The following ATF6 variants were observed in gnomAD, a reference collection of about 807,000 sequenced individuals.
ATF6 encodes the protein cyclic AMP-dependent transcription factor ATF-6 alpha.
Under a neutral mutation model 83.6 loss-of-function variants are expected in ATF6, and 53 were observed. The ratio of observed to expected loss-of-function variants is 0.63; its 90% CI spans 0.51 to 0.80. The LOEUF (loss-of-function observed/expected upper bound fraction) is 0.80. Among genes scored for constraint, ATF6 ranks in the 30% least tolerant of loss-of-function variants. The pLI is 0.00. For missense variants in ATF6, 744 were observed against 797.9 expected, an observed-to-expected ratio of 0.93 and a Z score of 0.81; for synonymous variants, 288 against 285.8, an observed-to-expected ratio of 1.01 and a Z score of -0.08.
At chr1:161,954,063 T>C (rs887810239) in intron 15 of ATF6, among the ~76,000 whole-genome samples, 2 of 152,130 alleles carry the variant, frequency 1.3e-5, no homozygotes, top group Non-Finnish European at 2.9e-5. Context: ...AGGGGGTTTG[T>C]TTGTTTGCCA....
chr1:161,902,728 T>C lies in ATF6; in HGVS notation c.1720-9568T>C, dbSNP rs1024499517. ...GTAGTAGATCCTGGGGATTCACCAA[T>C]GAACAAAACAGATGAAAATGTCTGC... On this transcript the variant is annotated intron_variant, in intron 14 of 15. Transcript: ENST00000367942. Among the ~76,000 whole-genome samples, 8 of 152,332 alleles carry C rather than the reference T, an allele frequency of 5.3e-5. No individual in the cohort carries two copies. In the East Asian group the frequency reaches 1.5e-3, roughly 29 times the overall value.
intron 14 of ATF6, among the ~76,000 whole-genome samples, chr1:161,902,454 A>T (rs932772043): frequency 1.3e-5 from 2 of 152,232 alleles, no homozygotes; most frequent in Non-Finnish European, 2.9e-5. Flanking sequence ...TGAAGAATAC[A>T]GTGACTGCTA....
chr1:161,862,525 A>G (rs997504568), intron 13 of ATF6, among the ~76,000 whole-genome samples: 2 of 152,220 alleles, frequency 1.3e-5, no homozygotes, highest in African/African-American at 4.8e-5. Context: ...AGTAAGGCAC[A>G]TACATGGTAC....
chr1:161,960,944 G>A lies in ATF6; in HGVS notation c.*2290G>A, dbSNP rs946135120. 2 of 152,172 alleles carry A rather than the reference G, an allele frequency of 1.3e-5. No homozygotes were observed. The highest frequency in any genetic ancestry group is 4.8e-5 in the African/African-American group (2 of 41,438). 9.4% of individuals were successfully genotyped at this position (152,172 alleles called of 1,614,324 possible). A position where few individuals can be genotyped will look rare whatever the true frequency, so the allele number is the denominator to read the frequency against. On this transcript the variant is annotated 3_prime_UTR_variant, in exon 16 of 16. Coordinates refer to ENST00000367942, the MANE Select transcript of ATF6 (RefSeq NM_007348.4). ...AAGATGCTAATCTTCTGCTGGAACT[G>A]TCATACGTTATCATGGTCAATGTAA...
At position 161,962,601 on chromosome 1, in the gene ATF6, T is replaced by C. The variant is rs544219890; in HGVS notation, c.*3947T>C. ...AAAGTGACTTTCACTTTCAACAACATATTAGAAGTAACCACTTTTGCTTTC... is the reference window on the plus strand; with the variant it reads ...AAAGTGACTTTCACTTTCAACAACACATTAGAAGTAACCACTTTTGCTTTC... On this transcript the variant is annotated 3_prime_UTR_variant, in exon 16 of 16. Transcript: ENST00000367942. The C allele has an allele frequency of 6.6e-6, 1 of 152,360 alleles. No homozygotes were observed. Among genetic ancestry groups the C allele is most frequent in the Admixed American group, 6.5e-5 (1 of 15,312 alleles). 9.4% of individuals were successfully genotyped at this position (152,360 alleles called of 1,614,324 possible).
At chr1:161,940,617 G>A (rs1688623176) in intron 15 of ATF6, among the ~76,000 whole-genome samples, 1 of 139,398 alleles carries the variant, frequency 7.2e-6, no homozygotes, top group African/African-American at 2.6e-5. Flanking sequence ...GAAGTGCAGT[G>A]GCACAATCTT....
intron 15 of ATF6, among the ~76,000 whole-genome samples, chr1:161,957,698 T>C (rs898726279): frequency 3.9e-5 from 6 of 152,216 alleles, no homozygotes; most frequent in Admixed American, 1.3e-4. Context: ...TTCCCTTCTG[T>C]AAATATTCTC....
intron 15 of ATF6, among the ~76,000 whole-genome samples, chr1:161,917,424 T>C (rs1688121765): frequency 8.5e-5 from 1 of 11,828 alleles, no homozygotes; most frequent in Non-Finnish European, 3.3e-4. Flanking sequence ...TATACACAAT[T>C]TTTTTTTTTT....
chr1:161,778,607 A>G (rs1463288915), intron 2 of ATF6, among the ~76,000 whole-genome samples: 1 of 152,166 alleles, frequency 6.6e-6, no homozygotes, highest in East Asian at 1.9e-4. Flanking sequence ...ACTTTGCTAC[A>G]TAAGGGAATT....
At chr1:161,946,226 C>A (rs1688744989) in intron 15 of ATF6, among the ~76,000 whole-genome samples, 1 of 152,158 alleles carries the variant, frequency 6.6e-6, no homozygotes, top group Admixed American at 6.5e-5. Context: ...AACTCCTGGG[C>A]TCAAGCAGTC....
intron 14 of ATF6, among the ~76,000 whole-genome samples, chr1:161,875,347 C>G (rs1423832473): frequency 6.6e-6 from 1 of 151,808 alleles, no homozygotes; most frequent in East Asian, 1.9e-4. Flanking sequence ...ATTGGTTGAT[C>G]TTGCACTTTG....
intron 7 of ATF6, among the ~76,000 whole-genome samples, chr1:161,807,644 T>A (rs1685323014): frequency 6.6e-6 from 1 of 152,208 alleles, no homozygotes; most frequent in African/African-American, 2.4e-5. Flanking sequence ...GTTTAAATAT[T>A]TGCAGTATCT....
At chr1:161,827,428 T>A (rs531966293) in intron 9 of ATF6, among the ~76,000 whole-genome samples, 3 of 151,420 alleles carry the variant, frequency 2.0e-5, no homozygotes, top group East Asian at 3.9e-4. Context: ...GCATAGGCTT[T>A]AAAAAAAAAG....
chr1:161,846,284 A>C (rs748723171), intron 9 of ATF6, among the ~76,000 whole-genome samples, 165 bp from the exon 10 acceptor site: 1 of 152,204 alleles, frequency 6.6e-6, no homozygotes, highest in African/African-American at 2.4e-5. Context: ...CATGCTAAGG[A>C]TTTGAACACC....
At chr1:161,931,518 A>G (rs929443872) in intron 15 of ATF6, among the ~76,000 whole-genome samples, 2 of 151,994 alleles carry the variant, frequency 1.3e-5, no homozygotes, top group African/African-American at 4.8e-5. Context: ...CATACATTTC[A>G]CCCATTTAAA....
chr1:161,921,965 A>G (rs990661490), intron 15 of ATF6, among the ~76,000 whole-genome samples: 6 of 148,632 alleles, frequency 4.0e-5, no homozygotes, highest in Non-Finnish European at 8.9e-5. Flanking sequence ...GAGAAAAGAA[A>G]GATGAGCCCT....
At chr1:161,927,522 T>G (rs1688343151) in intron 15 of ATF6, among the ~76,000 whole-genome samples, 1 of 152,124 alleles carries the variant, frequency 6.6e-6, no homozygotes, top group Non-Finnish European at 1.5e-5. Context: ...CAGAATGACT[T>G]AGTATTTGAT....
At chr1:161,810,367 C>G (rs773263062) in intron 7 of ATF6, among the ~76,000 whole-genome samples, 3 of 152,218 alleles carry the variant, frequency 2.0e-5, no homozygotes, top group Admixed American at 6.5e-5. Flanking sequence ...TTTAAACAAC[C>G]AGATCTTATG....
intron 14 of ATF6, among the ~76,000 whole-genome samples, chr1:161,880,150 CAA>C (rs1687292657): frequency 6.6e-6 from 1 of 152,042 alleles, no homozygotes; most frequent in South Asian, 2.1e-4. Flanking sequence ...TTATATGAAG[CAA>C]AGATTTATTA....
Sources: allele counts gnomAD v4.1 joint callset (sites outside exome capture counted in the v4.1 genomes callset), GRCh38; gene constraint gnomAD v4.1.1; transcripts MANE v1.5; gene names NCBI Gene and HGNC (gene_info 2026-07-23, HGNC 2026-07-21).